Variants in FAM193A observed in about 807,000 individuals in gnomAD.
The protein encoded by FAM193A is family with sequence similarity 193 member A.
In FAM193A, 22 loss-of-function variants were observed where a neutral mutation model predicts 126.5. That is an observed-to-expected ratio of 0.17 (90% confidence interval 0.12 to 0.25). The LOEUF (loss-of-function observed/expected upper bound fraction) is 0.25, where lower values mean the gene tolerates loss of function less well. FAM193A is among the 10% of genes least tolerant of loss of function. The pLI, the probability that FAM193A is intolerant of heterozygous loss-of-function variation, is 1.00. For missense variants in FAM193A, 1,675 were observed against 1,672.8 expected, an observed-to-expected ratio of 1.00 and a Z score of -0.02; for synonymous variants, 761 against 646.8, an observed-to-expected ratio of 1.18 and a Z score of -2.68.
chr4:2,712,428 T>G (rs1719080911), intron 19 of FAM193A, among the ~76,000 whole-genome samples: 1 of 152,178 alleles, frequency 6.6e-6, no homozygotes, highest in African/African-American at 2.4e-5. Context: ...CTTTTTGTGT[T>G]GAGAAGCGGC....
chr4:2,549,730 C>T (rs1206749759), intron 1 of FAM193A, among the ~76,000 whole-genome samples: 13 of 148,518 alleles, frequency 8.8e-5, no homozygotes, highest in African/African-American at 3.2e-4. Context: ...TATAGTTTTA[C>T]TTTTTTGTTT....
intron 1 of FAM193A, among the ~76,000 whole-genome samples, chr4:2,558,919 T>C (rs2108835743): frequency 6.6e-6 from 1 of 152,278 alleles, no homozygotes; most frequent in South Asian, 2.1e-4. Context: ...GAGAATTGCT[T>C]GAACCCAGAG....
At chr4:2,699,450 A>C (rs372579194) in intron 18 of FAM193A, among the ~76,000 whole-genome samples, 6,498 of 67,206 alleles carry the variant, frequency 0.097, 668 homozygotes, top group Non-Finnish European at 0.13. Flanking sequence ...CCCCCCCCAC[A>C]CACACACACA....
In FAM193A at chr4:2,711,950, T is replaced by G. The variant is rs559175395; in HGVS notation, c.4373-4073T>G. Among the ~76,000 whole-genome samples the G allele has an allele frequency of 2.0e-5, 3 of 152,224 alleles. No individual in the cohort carries two copies. In the East Asian group the frequency reaches 5.8e-4, roughly 30 times the overall value. ...TCCAAAAAAAAGAAATTATGTAATT[T>G]CCATGCGTCTTTTTTCTTTCACTCG... On this transcript the variant is annotated intron_variant, in intron 19 of 20. Transcript: ENST00000637812.
intron 20 of FAM193A, among the ~76,000 whole-genome samples, chr4:2,729,994 C>T (rs553729642): frequency 1.3e-5 from 2 of 152,286 alleles, no homozygotes; most frequent in South Asian, 4.1e-4. Flanking sequence ...CAGCCTTGAC[C>T]TCCCAGGCTC....
intron 1 of FAM193A, among the ~76,000 whole-genome samples, chr4:2,592,191 A>G (rs766845921): frequency 6.6e-6 from 1 of 152,048 alleles, no homozygotes; most frequent in African/African-American, 2.4e-5. Flanking sequence ...TCATGGGTTC[A>G]AGTGATTCTC....
chr4:2,563,673 A>G (rs557061515), intron 1 of FAM193A, among the ~76,000 whole-genome samples: 3 of 152,318 alleles, frequency 2.0e-5, no homozygotes, highest in Non-Finnish European at 2.9e-5. Flanking sequence ...CAAGCTCTTC[A>G]TTGGCCATGT....
chr4:2,566,644 C>T (rs1425202683), intron 1 of FAM193A, among the ~76,000 whole-genome samples: 1 of 152,026 alleles, frequency 6.6e-6, no homozygotes, highest in Non-Finnish European at 1.5e-5. Context: ...GCCAAGATCA[C>T]ACCACTGCAT....
At chr4:2,637,592 G>T (rs1028127268) in intron 5 of FAM193A, among the ~76,000 whole-genome samples, 1 of 152,200 alleles carries the variant, frequency 6.6e-6, no homozygotes, top group Non-Finnish European at 1.5e-5. Context: ...AGAACAGTTT[G>T]CAGAGCCTGC....
At chr4:2,628,592 G>C (rs139424759) in intron 4 of FAM193A, among the ~76,000 whole-genome samples, 1 of 152,190 alleles carries the variant, frequency 6.6e-6, no homozygotes, top group African/African-American at 2.4e-5. Flanking sequence ...AGCTAGGATC[G>C]CTCCACTGCA....
rs34698874 is a variant in FAM193A at position 2,624,810 on chromosome 4, G to A, written c.502-452G>A. ...TCCCATCTCGGCTTCCCAAAATGGT[G>A]GGATTACAGGCGTGAACCGCCATGC... On this transcript the variant is annotated intron_variant, in intron 2 of 20. Coordinates refer to ENST00000637812, the MANE Select transcript of FAM193A (RefSeq NM_001366318.2). Among the ~76,000 whole-genome samples, 528 of 152,310 alleles carry A rather than the reference G, an allele frequency of 3.5e-3. 4 individuals are homozygous for A. Among genetic ancestry groups the A allele is most frequent in the African/African-American group, 0.012 (511 of 41,570 alleles).
In FAM193A at chr4:2,563,733, G is replaced by T. The variant is rs916752663; in HGVS notation, c.255+26563G>T. ...GCAGAACTGGGAATCAACCCTCAAA[G>T]ATTATTTGAAATCTGGATTTACATC... On this transcript the variant is annotated intron_variant, in intron 1 of 20. Coordinates refer to ENST00000637812, the MANE Select transcript of FAM193A (RefSeq NM_001366318.2). Among the ~76,000 whole-genome samples, 3 of 152,284 alleles carry T rather than the reference G, an allele frequency of 2.0e-5. No homozygotes were observed. The Middle Eastern group carries it at 0.01, about 518-fold the overall frequency.
At chr4:2,561,259 C>T (rs1043337292) in intron 1 of FAM193A, among the ~76,000 whole-genome samples, 17 of 152,018 alleles carry the variant, frequency 1.1e-4, no homozygotes, top group Non-Finnish European at 2.4e-4. Flanking sequence ...CAGTTCACTG[C>T]AGCCTCTGCC....
chr4:2,572,797 T>TTA (rs1739368452), intron 1 of FAM193A, among the ~76,000 whole-genome samples: 1 of 147,480 alleles, frequency 6.8e-6, no homozygotes. Flanking sequence ...TTTTTTTTTT[T>TTA]AAAGACCTGG....
chr4:2,692,552 A>T (rs1716521697), intron 15 of FAM193A, among the ~76,000 whole-genome samples: 1 of 152,242 alleles, frequency 6.6e-6, no homozygotes, highest in Non-Finnish European at 1.5e-5. Flanking sequence ...GGTGCATCCC[A>T]TTGCCACAAA....
At chr4:2,580,945 C>T (rs567125183) in intron 1 of FAM193A, among the ~76,000 whole-genome samples, 114 of 152,248 alleles carry the variant, frequency 7.5e-4, no homozygotes, top group Middle Eastern at 3.4e-3. Context: ...CTGGCTAACA[C>T]GGTGAAACCC....
chr4:2,598,996 C>A (rs1344423156), intron 2 of FAM193A, among the ~76,000 whole-genome samples: 1 of 152,188 alleles, frequency 6.6e-6, no homozygotes, highest in African/African-American at 2.4e-5. Context: ...GGGGTCTGAC[C>A]GGCCCCGTGT....
intron 18 of FAM193A, 60 bp from the exon 19 acceptor site, chr4:2,699,620 G>C (rs1179519581): frequency 4.0e-6 from 6 of 1,495,858 alleles, no homozygotes; most frequent in Admixed American, 4.5e-5. Context: ...TAGTTTTTCT[G>C]TATGACTTAA....
At chr4:2,618,158 T>C (rs1315061135) in intron 2 of FAM193A, among the ~76,000 whole-genome samples, 3 of 152,202 alleles carry the variant, frequency 2.0e-5, no homozygotes, top group Admixed American at 6.5e-5. Flanking sequence ...TCTGTGCTTC[T>C]GAGATTTGCA....
Sources: allele counts gnomAD v4.1 joint callset (sites outside exome capture counted in the v4.1 genomes callset), GRCh38; gene constraint gnomAD v4.1.1; transcripts MANE v1.5; gene names NCBI Gene and HGNC (gene_info 2026-07-23, HGNC 2026-07-21).